Variants in CAST observed in about 807,000 individuals in gnomAD.
CAST encodes calpastatin, also known as MIR583 host.
CAST carries 76 observed loss-of-function variants against 119.6 expected under a neutral mutation model. The observed-to-expected ratio is 0.64, with a 90% CI of 0.53 to 0.77. The LOEUF (loss-of-function observed/expected upper bound fraction) is 0.77. CAST is among the 30% of genes least tolerant of loss of function. CAST has a pLI of 0.00. For missense variants in CAST, 953 were observed against 946.5 expected, an observed-to-expected ratio of 1.01 and a Z score of -0.09; for synonymous variants, 319 against 331.6, an observed-to-expected ratio of 0.96 and a Z score of 0.41.
the CAST span, among the ~76,000 whole-genome samples, chr5:96,442,211 C>T: frequency 4.6e-5 from 7 of 152,190 alleles, no homozygotes; most frequent in African/African-American, 1.7e-4. Context: ...GTCCTCTCTA[C>T]CCCTTACCAG....
chr5:96,771,677 TAAAGA>T lies in CAST; in HGVS notation c.*1_*5del. The T allele has an allele frequency of 6.2e-7, 1 of 1,610,970 alleles. No individual in the cohort carries two copies. The highest frequency in any genetic ancestry group is 2.2e-5 in the East Asian group (1 of 44,788). The stretch of plus-strand genomic sequence containing the variant: ...GGAAACTTCCAAGCCAAAAGATGAC[TAAAGA>T]AATACAAGTTAAGGTATCTGGTAAG... On this transcript the variant is annotated stop_retained_variant and 3_prime_UTR_variant, in exon 31 of 32. Coordinates refer to ENST00000675179, the MANE Select transcript of CAST (RefSeq NM_001750.7).
In CAST at chr5:96,754,111, A is replaced by G; in HGVS notation, c.1576A>G (p.Lys526Glu). Residue 526 changes from lysine to glutamate, a missense_variant, in exon 21 of 32, where the codon AAA becomes GAA. By Grantham distance (56) the Lys-to-Glu change is moderately conservative. Transcript: ENST00000675179. ...AVEALADSLG[K>E]KEADPEDGKP... ...AGAAGCCTTGGCTGATAGCCTGGGG[A>G]AAAAGGAAGCAGATCCAGAAGATGG... The G allele has an allele frequency of 6.2e-7, 1 of 1,611,782 alleles. No individual in the cohort carries two copies. Among genetic ancestry groups the G allele is most frequent in the South Asian group, 1.1e-5 (1 of 91,040 alleles).
At chr5:96,133,304 A>AAC in the CAST span, among the ~76,000 whole-genome samples, 24 of 151,448 alleles carry the variant, frequency 1.6e-4, no homozygotes, top group African/African-American at 5.3e-4. Flanking sequence ...AAAAAAAAAA[A>AAC]ACACACACAC....
chr5:96,420,744 G>A, the CAST span, among the ~76,000 whole-genome samples: 9 of 150,368 alleles, frequency 6.0e-5, 2 homozygotes, highest in African/African-American at 2.2e-4. Context: ...AGGAAGGGAG[G>A]GAGGGAGGGA....
At chr5:96,420,232 G>C in the CAST span, among the ~76,000 whole-genome samples, 9 of 152,350 alleles carry the variant, frequency 5.9e-5, 2 homozygotes, top group African/African-American at 2.2e-4. Context: ...GAGGCAGAGA[G>C]AGGTAAGTGA....
chr5:96,469,879 A>AATATAT, the CAST span, among the ~76,000 whole-genome samples: 9,409 of 107,334 alleles, frequency 0.088, 587 homozygotes, highest in East Asian at 0.3. Flanking sequence ...ATATATATAT[A>AATATAT]ATATATATAT....
the CAST span, among the ~76,000 whole-genome samples, chr5:96,107,990 A>G: frequency 6.6e-6 from 1 of 151,720 alleles, no homozygotes; most frequent in Admixed American, 6.6e-5. Flanking sequence ...TCCATTGCTG[A>G]TACCCTTTCT....
rs1260137587 is a variant in CAST, at chr5:96,628,393, T to A, written c.61-47146T>A. Among the ~76,000 whole-genome samples the A allele has an allele frequency of 4.6e-5, 7 of 152,224 alleles. No homozygotes were observed. In the East Asian group the frequency reaches 1.4e-3, roughly 29 times the overall value. On this transcript the variant is annotated intron_variant, in intron 1 of 11. Transcript: ENST00000505143. ...ACACACAGCATTCACATTGTGTAGA[T>A]GAACTCAGCAAAGTTTACATTTATA...
the CAST span, among the ~76,000 whole-genome samples, chr5:96,066,834 A>C: frequency 6.6e-6 from 1 of 151,508 alleles, no homozygotes; most frequent in East Asian, 1.9e-4. Flanking sequence ...AAGTTAACAA[A>C]ATTTTTTTTT....
upstream of CAST, among the ~76,000 whole-genome samples, chr5:96,521,603 C>T (rs1745520023): frequency 6.6e-6 from 1 of 152,196 alleles, no homozygotes; most frequent in Non-Finnish European, 1.5e-5. Context: ...ATTCATTTAT[C>T]ACATGATATT....
chr5:96,201,305 G>C, the CAST span, among the ~76,000 whole-genome samples: 2 of 152,106 alleles, frequency 1.3e-5, no homozygotes, highest in Non-Finnish European at 2.9e-5. Flanking sequence ...AAAAGGAATA[G>C]AGCCTGTTTC....
chr5:96,062,231 C>A, the CAST span, among the ~76,000 whole-genome samples: 1 of 152,180 alleles, frequency 6.6e-6, no homozygotes, highest in Middle Eastern at 3.4e-3. Context: ...TAGGACCCAC[C>A]AGCCTTATCA....
At chr5:96,633,323 C>T (rs1747845466) in intron 1 of CAST, among the ~76,000 whole-genome samples, 2 of 152,216 alleles carry the variant, frequency 1.3e-5, no homozygotes, top group African/African-American at 2.4e-5. Context: ...ACAATAGCAT[C>T]TCTTCCAATC....
chr5:96,462,333 T>C, the CAST span, among the ~76,000 whole-genome samples: 1 of 152,098 alleles, frequency 6.6e-6, no homozygotes, highest in Non-Finnish European at 1.5e-5. Flanking sequence ...TTAAATATTG[T>C]GGAGATCTTG....
At chr5:96,245,621 GAAA>G in the CAST span, among the ~76,000 whole-genome samples, 5 of 127,542 alleles carry the variant, frequency 3.9e-5, no homozygotes, top group African/African-American at 1.4e-4. Context: ...CTGTGTAATG[GAAA>G]AAAAAAAAAA....
At chr5:96,029,954 AC>A in the CAST span, among the ~76,000 whole-genome samples, 1 of 152,148 alleles carries the variant, frequency 6.6e-6, no homozygotes, top group African/African-American at 2.4e-5. Context: ...ATAATTTTGA[AC>A]CAAGAAAGGT....
intron 1 of CAST, among the ~76,000 whole-genome samples, chr5:96,672,777 ATT>A (rs1750270926): frequency 6.7e-6 from 1 of 149,486 alleles, no homozygotes; most frequent in Non-Finnish European, 1.5e-5. Flanking sequence ...TTGGCCTTTT[ATT>A]ATAAGTGATT....
At chr5:96,547,321 A>T (rs1053755497) in intron 1 of CAST, among the ~76,000 whole-genome samples, 5 of 152,184 alleles carry the variant, frequency 3.3e-5, no homozygotes, top group African/African-American at 1.2e-4. Context: ...GTAACATGGT[A>T]TAACTCCCAG....
chr5:96,180,164 A>G, the CAST span, among the ~76,000 whole-genome samples: 1 of 152,236 alleles, frequency 6.6e-6, no homozygotes, highest in African/African-American at 2.4e-5. Context: ...TGAGGCTCTC[A>G]GTATAGTTAC....
Sources: gnomAD v4.1 joint callset for allele counts (sites outside exome capture counted in the v4.1 genomes callset) on GRCh38, gnomAD v4.1.1 for gene constraint, MANE v1.5 for transcripts, NCBI Gene and HGNC (gene_info 2026-07-23, HGNC 2026-07-21) for gene names.